Variants in RAPGEF6 observed in about 807,000 individuals in gnomAD.
The protein encoded by RAPGEF6 is Rap guanine nucleotide exchange factor 6.
A neutral mutation model predicts 171.4 loss-of-function variants in RAPGEF6; 56 were observed. The ratio of observed to expected loss-of-function variants is 0.33; its 90% confidence interval spans 0.26 to 0.41. The LOEUF (loss-of-function observed/expected upper bound fraction) is 0.41. Ranked by LOEUF, RAPGEF6 falls within the 10% of genes least tolerant of loss-of-function variation. The probability of loss-of-function intolerance (pLI) is 1.00; values close to 1 mark genes in which losing one functional copy is unlikely to be tolerated. For synonymous variants in RAPGEF6, 692 were observed against 650.1 expected (o/e 1.06, Z -0.98); for missense variants, 1,674 against 1,921.4 (o/e 0.87, Z 2.41).
At chr5:131,479,403 T>C (rs543551492) in intron 16 of RAPGEF6, 110 bp downstream of exon 16, 3 of 1,138,200 alleles carry the variant, frequency 2.6e-6, no homozygotes, top group South Asian at 3.0e-5. Context: ...GACTTTATGA[T>C]ACATTAGTTA....
intron 4 of RAPGEF6, among the ~76,000 whole-genome samples, chr5:131,579,727 A>G (rs912218553): frequency 4.6e-5 from 7 of 152,198 alleles, no homozygotes; most frequent in African/African-American, 1.7e-4. Flanking sequence ...CTAGACACAG[A>G]GCACTGACTG....
At chr5:131,627,772 CAA>C in intron 1 of RAPGEF6, among the ~76,000 whole-genome samples, 1 of 152,136 alleles carries the variant, frequency 6.6e-6, no homozygotes, top group Non-Finnish European at 1.5e-5. Context: ...CTGCATCAAG[CAA>C]GTCCAACAGC....
intron 27 of RAPGEF6, 86 bp downstream of exon 27, chr5:131,428,816 C>G: frequency 7.4e-7 from 1 of 1,342,836 alleles, no homozygotes; most frequent in Non-Finnish European, 1.0e-6. Context: ...GAAACAATTA[C>G]TAATTACCAT....
chr5:131,479,834 C>A, intron 15 of RAPGEF6, 81 bp from the exon 16 acceptor site: 1 of 1,399,834 alleles, frequency 7.1e-7, no homozygotes, highest in Non-Finnish European at 9.8e-7. Context: ...TAAGGATAAA[C>A]ACAGTGACTT....
At position 131,446,658 on chromosome 5, in the gene RAPGEF6, C is replaced by T. The variant is rs376038222; in HGVS notation, c.3246G>A (p.Gln1082=). The T allele has an allele frequency of 2.5e-6, 4 of 1,614,188 alleles. No individual in the cohort carries two copies. The highest frequency in any genetic ancestry group is 1.3e-5 in the African/African-American group (1 of 75,066). Residue 1082 remains glutamine, a synonymous_variant, in exon 22 of 28, where the codon CAG becomes CAA. Transcript: ENST00000509018. Reference sequence around the variant, plus strand: ...GTGCCCTTTTTTTGTGAGCACCTCCCTGAACATCCAGCATGTTTGAATTTG... The same window carrying T: ...GTGCCCTTTTTTTGTGAGCACCTCCTTGAACATCCAGCATGTTTGAATTTG... The part of the protein sequence containing the change: ...GSTNSNMLDV[Q]GGAHKKRARR...
At chr5:131,557,524 T>A (rs1175585762) in intron 5 of RAPGEF6, among the ~76,000 whole-genome samples, 1 of 152,202 alleles carries the variant, frequency 6.6e-6, no homozygotes, top group African/African-American at 2.4e-5. Flanking sequence ...AATCACAGTT[T>A]TATATTTTTT....
chr5:131,466,992 G>C (rs1754398546), intron 17 of RAPGEF6, among the ~76,000 whole-genome samples: 1 of 152,188 alleles, frequency 6.6e-6, no homozygotes, highest in African/African-American at 2.4e-5. Flanking sequence ...CTGGGCTCCA[G>C]AATTGAATCA....
chr5:131,533,169 T>TACACACACACACACACAC (rs3992020), intron 6 of RAPGEF6: 23 of 136,860 alleles, frequency 1.7e-4, no homozygotes, highest in African/African-American at 5.5e-4. Context: ...ATTGAAAACA[T>TACACACACACACACACAC]ACACACACAC....
At chr5:131,478,289 G>A (rs1406778576) in intron 16 of RAPGEF6, among the ~76,000 whole-genome samples, 1 of 152,146 alleles carries the variant, frequency 6.6e-6, no homozygotes, top group East Asian at 1.9e-4. Context: ...TTAAAGATGA[G>A]AGTTGACACA....
chr5:131,457,906 T>C (rs898885521), intron 19 of RAPGEF6, among the ~76,000 whole-genome samples: 1 of 152,110 alleles, frequency 6.6e-6, no homozygotes, highest in Admixed American at 6.5e-5. Context: ...TTGAAGAAAA[T>C]TAGATTGTTT....
chr5:131,608,427 C>CT (rs1315767789), intron 1 of RAPGEF6, among the ~76,000 whole-genome samples: 1 of 152,100 alleles, frequency 6.6e-6, no homozygotes. Context: ...TCTATTAACT[C>CT]TTTTTTTGAC....
chr5:131,561,033 T>C (rs537271577), intron 5 of RAPGEF6, among the ~76,000 whole-genome samples: 1 of 152,240 alleles, frequency 6.6e-6, no homozygotes, highest in African/African-American at 2.4e-5. Context: ...GGACAATGAG[T>C]CCACTCGGTA....
chr5:131,589,421 G>A (rs925331313), intron 4 of RAPGEF6, among the ~76,000 whole-genome samples: 1 of 152,194 alleles, frequency 6.6e-6, no homozygotes, highest in Admixed American at 6.5e-5. Flanking sequence ...AGCAATGATT[G>A]TTGTTGTGTG....
chr5:131,540,947 CT>C (rs1283491829), intron 6 of RAPGEF6, among the ~76,000 whole-genome samples: 7 of 152,214 alleles, frequency 4.6e-5, no homozygotes, highest in Non-Finnish European at 1.0e-4. Context: ...CACCATTGCA[CT>C]CCAGCCCGGG....
At chr5:131,485,931 T>C (rs930873155) in intron 15 of RAPGEF6, among the ~76,000 whole-genome samples, 1 of 152,236 alleles carries the variant, frequency 6.6e-6, no homozygotes, top group African/African-American at 2.4e-5. Flanking sequence ...TGCCTCATAA[T>C]CTTTGCTTGA....
intron 14 of RAPGEF6, among the ~76,000 whole-genome samples, chr5:131,492,157 TA>T: frequency 6.6e-6 from 1 of 152,334 alleles, no homozygotes; most frequent in Admixed American, 6.5e-5. Context: ...ATTTAATGAT[TA>T]CCATAACCTT....
chr5:131,598,849 C>T (rs1764058236), intron 3 of RAPGEF6, among the ~76,000 whole-genome samples: 1 of 152,150 alleles, frequency 6.6e-6, no homozygotes, highest in South Asian at 2.1e-4. Flanking sequence ...CCCACAGCCT[C>T]CCAAAGGCTT....
At chr5:131,599,086 G>T (rs981401500) in intron 3 of RAPGEF6, among the ~76,000 whole-genome samples, 51 of 152,284 alleles carry the variant, frequency 3.3e-4, no homozygotes, top group African/African-American at 1.2e-3. Flanking sequence ...AGAGACGGGC[G>T]GATTACTTGA....
At chr5:131,490,584 A>C (rs903783619) in intron 14 of RAPGEF6, among the ~76,000 whole-genome samples, 1 of 152,204 alleles carries the variant, frequency 6.6e-6, no homozygotes, top group Non-Finnish European at 1.5e-5. Flanking sequence ...AAAGAAGCGC[A>C]AAGAGTTTGG....
Sources: allele counts gnomAD v4.1 joint callset (sites outside exome capture counted in the v4.1 genomes callset), GRCh38; gene constraint gnomAD v4.1.1; transcripts MANE v1.5; gene names NCBI Gene and HGNC (gene_info 2026-07-23, HGNC 2026-07-21).